Variants in NLRP5 observed in about 807,000 individuals in gnomAD.
NLRP5 encodes NACHT, LRR and PYD domains-containing protein 5.
In NLRP5, 93 loss-of-function variants were observed where a neutral mutation model predicts 113.1. That is an observed-to-expected ratio of 0.82 (90% CI 0.70 to 0.98). The LOEUF is 0.98. Ranked by LOEUF, NLRP5 falls within the 50% of genes least tolerant of loss-of-function variation. NLRP5 has a pLI of 0.00. For missense variants in NLRP5, 1,808 were observed against 1,514.3 expected, an observed-to-expected ratio of 1.19 and a Z score of -3.22; for synonymous variants, 751 against 600.7, an observed-to-expected ratio of 1.25 and a Z score of -3.66.
chr19:55,988,523 A>G, the NLRP5 span: 17 of 150,104 alleles, frequency 1.1e-4, no homozygotes, highest in African/African-American at 4.2e-4. Flanking sequence ...GGATATAGAC[A>G]AAGTCTTCAT....
At chr19:56,050,330 C>A in intron 11 of NLRP5, 88 bp from the exon 12 acceptor site, 3 of 1,241,634 alleles carry the variant, frequency 2.4e-6, no homozygotes, top group Non-Finnish European at 3.4e-6. Context: ...CAGAAGCAGA[C>A]TGCAGCTGGG....
chr19:56,013,296 T>G (rs903108174), intron 3 of NLRP5, among the ~76,000 whole-genome samples: 5 of 152,014 alleles, frequency 3.3e-5, no homozygotes, highest in Admixed American at 2.6e-4. Context: ...TGGTTCACGC[T>G]ATTTTCCTGC....
chr19:56,005,922 A>T (rs1051402027), intron 2 of NLRP5, among the ~76,000 whole-genome samples: 4 of 152,192 alleles, frequency 2.6e-5, no homozygotes, highest in African/African-American at 9.7e-5. Flanking sequence ...ATCTTACAAG[A>T]TACATAACTT....
chr19:56,005,164 CAT>C (rs201226916), intron 2 of NLRP5, among the ~76,000 whole-genome samples: 3,033 of 141,926 alleles, frequency 0.021, 126 homozygotes, highest in African/African-American at 0.075. Flanking sequence ...CACATATACA[CAT>C]ATATTTTTAT....
At chr19:55,993,056 T>C in the NLRP5 span, among the ~76,000 whole-genome samples, 2 of 151,374 alleles carry the variant, frequency 1.3e-5, no homozygotes, top group Non-Finnish European at 2.9e-5. Flanking sequence ...TCCATGTTGG[T>C]CAGGCTGGTC....
chr19:56,007,183 T>C (rs1039687393), intron 2 of NLRP5, among the ~76,000 whole-genome samples: 4 of 151,192 alleles, frequency 2.6e-5, no homozygotes, highest in Non-Finnish European at 4.4e-5. Flanking sequence ...TCTAACACGG[T>C]AAAACCCTGT....
At chr19:56,040,724 C>G (rs899041775) in intron 10 of NLRP5, among the ~76,000 whole-genome samples, 198 bp from the exon 11 acceptor site, 33 of 152,250 alleles carry the variant, frequency 2.2e-4, no homozygotes, top group Middle Eastern at 3.4e-3. Context: ...ACCCACAATA[C>G]TTAGAGTATT....
chr19:56,003,101 A>T (rs1981718829), intron 1 of NLRP5, among the ~76,000 whole-genome samples: 1 of 151,408 alleles, frequency 6.6e-6, no homozygotes, highest in African/African-American at 2.4e-5. Flanking sequence ...CCATCCCATT[A>T]CTGGGTATAT....
chr19:55,992,656 G>T, the NLRP5 span, among the ~76,000 whole-genome samples: 4 of 152,058 alleles, frequency 2.6e-5, no homozygotes, highest in Non-Finnish European at 4.4e-5. Context: ...TTTCTCCTTT[G>T]TTGACAAATT....
At chr19:55,991,249 A>G in the NLRP5 span, among the ~76,000 whole-genome samples, 1 of 152,202 alleles carries the variant, frequency 6.6e-6, no homozygotes, top group African/African-American at 2.4e-5. Context: ...ATTCATGAAC[A>G]TAAATATTTC....
intron 3 of NLRP5, among the ~76,000 whole-genome samples, chr19:56,013,182 A>G (rs1164149513): frequency 1.3e-5 from 2 of 151,958 alleles, no homozygotes; most frequent in East Asian, 1.9e-4. Flanking sequence ...TTCATTTAAC[A>G]TAATGTTTTT....
At chr19:56,003,313 G>T (rs1241761173) in intron 1 of NLRP5, among the ~76,000 whole-genome samples, 1 of 152,094 alleles carries the variant, frequency 6.6e-6, no homozygotes, top group African/African-American at 2.4e-5. Flanking sequence ...CACCACTCCT[G>T]GCTAATTTTT....
chr19:56,025,774 A>G lies in NLRP5; in HGVS notation c.680-1139A>G, dbSNP rs372969737. On this transcript the variant is annotated intron_variant, in intron 6 of 14. Coordinates refer to ENST00000390649, the MANE Select transcript of NLRP5 (RefSeq NM_153447.4). The stretch of plus-strand genomic sequence containing the variant: ...GGGGGAAACCAAGGGATGGAACAGG[A>G]GGGGCACACCTGTCCTACAGGTGTA... Among the ~76,000 whole-genome samples, 4 of 152,156 alleles carry G rather than the reference A, an allele frequency of 2.6e-5. No homozygotes were observed. In the East Asian group the frequency reaches 5.8e-4, roughly 22 times the overall value.
intron 11 of NLRP5, among the ~76,000 whole-genome samples, chr19:56,045,878 C>G (rs1983705230): frequency 6.6e-6 from 1 of 152,186 alleles, no homozygotes; most frequent in African/African-American, 2.4e-5. Flanking sequence ...GGCTAATCAG[C>G]TAAGACAGGA....
Position 56,055,815 on chromosome 19 carries a change from G to A in NLRP5, c.3299+2007G>A, listed in dbSNP as rs1419217928. Among the ~76,000 whole-genome samples the A allele has an allele frequency of 2.0e-5, 3 of 152,088 alleles. No individual in the cohort carries two copies. In the East Asian group the frequency reaches 5.8e-4, roughly 29 times the overall value. ...CCGCCTTGGCCTCCCAAAGTGCTGGGATTACAGGCATAAGCCACCGCGCCT... is the reference window on the plus strand; with the variant it reads ...CCGCCTTGGCCTCCCAAAGTGCTGGAATTACAGGCATAAGCCACCGCGCCT... On this transcript the variant is annotated intron_variant, in intron 13 of 14. Coordinates refer to ENST00000390649, the MANE Select transcript of NLRP5 (RefSeq NM_153447.4).
chr19:55,987,383 G>A, the NLRP5 span, among the ~76,000 whole-genome samples: 1 of 152,206 alleles, frequency 6.6e-6, no homozygotes, highest in Non-Finnish European at 1.5e-5. Context: ...TAAAAATTAA[G>A]TACAGAGTAG....
chr19:56,042,790 A>T (rs1983569967), intron 11 of NLRP5, among the ~76,000 whole-genome samples: 1 of 152,198 alleles, frequency 6.6e-6, no homozygotes, highest in Non-Finnish European at 1.5e-5. Flanking sequence ...CCATTGTATC[A>T]TTCTTATGCC....
At chr19:56,060,387 T>C (rs897747466) in intron 14 of NLRP5, among the ~76,000 whole-genome samples, 3 of 152,334 alleles carry the variant, frequency 2.0e-5, no homozygotes, top group South Asian at 4.1e-4. Context: ...ATGTCATTGA[T>C]ACATTCTTAG....
At chr19:56,001,604 A>G (rs954162049) in intron 1 of NLRP5, among the ~76,000 whole-genome samples, 2 of 152,178 alleles carry the variant, frequency 1.3e-5, no homozygotes, top group African/African-American at 4.8e-5. Flanking sequence ...TCAAGGGAGT[A>G]TAAAGCAGGT....
Sources: gnomAD v4.1 joint callset for allele counts (sites outside exome capture counted in the v4.1 genomes callset) on GRCh38, gnomAD v4.1.1 for gene constraint, MANE v1.5 for transcripts, NCBI Gene and HGNC (gene_info 2026-07-23, HGNC 2026-07-21) for gene names.